Variants in PTCHD4 observed in about 807,000 individuals in gnomAD.
The protein encoded by PTCHD4 is patched domain containing 4.
Under a neutral mutation model 58.1 loss-of-function variants are expected in PTCHD4, and 33 were observed. The ratio of observed to expected loss-of-function variants is 0.57; its 90% CI spans 0.43 to 0.76. PTCHD4 has a LOEUF of 0.76. Among genes scored for constraint, PTCHD4 ranks in the 30% least tolerant of loss-of-function variants. PTCHD4 has a pLI of 0.00. For synonymous variants in PTCHD4, 478 were observed against 409.6 expected, an observed-to-expected ratio of 1.17 and a Z score of -2.02; for missense variants, 1,058 against 1,027.1, an observed-to-expected ratio of 1.03 and a Z score of -0.41.
intron 3 of PTCHD4, among the ~76,000 whole-genome samples, chr6:48,015,740 TC>T (rs1198179108): frequency 6.6e-6 from 1 of 152,046 alleles, no homozygotes; most frequent in Non-Finnish European, 1.5e-5. Flanking sequence ...ATTTAATTGC[TC>T]CTTTTTGTGT....
intron 4 of PTCHD4, among the ~76,000 whole-genome samples, chr6:47,946,222 T>C (rs1271100763): frequency 3.9e-5 from 6 of 152,122 alleles, no homozygotes; most frequent in Non-Finnish European, 4.4e-5. Flanking sequence ...AATTTGTTCA[T>C]TGTGTTGTTG....
In PTCHD4 at chr6:47,983,553, T is replaced by G. The variant is rs960251231; in HGVS notation, c.898+25081A>C. ...ATTTGAAGGGCAAATAACTAAGATT[T>G]CCAAGTTTAGTTTTTTATAGTGCAA... On this transcript the variant is annotated intron_variant, in intron 4 of 4. Transcript: ENST00000339488. Among the ~76,000 whole-genome samples the G allele has an allele frequency of 5.9e-5, 9 of 152,190 alleles. No individual in the cohort carries two copies. In the South Asian group the frequency reaches 6.2e-4, roughly 11 times the overall value.
chr6:47,878,869 C>G lies in PTCHD4; in HGVS notation c.1966G>C (p.Val656Leu), dbSNP rs1429716046. ...CCAAAGCCTGCAATCAGAACAGGCA[C>G]TGTGACAGACAAGCTGTAATGGTCC... ...FMDHYSLSVT[V>L]PVLIAGFGVL... is the part of the protein sequence containing the mutation. Residue 656 changes from valine (V) to leucine (L), a missense_variant, in exon 5 of 5, where the codon GTG becomes CTG. Transcript: ENST00000339488. 8.7e-6 allele frequency: 14 copies of G among 1,613,656 alleles called. No homozygotes were observed. The highest frequency in any genetic ancestry group is 1.2e-5 in the Non-Finnish European group (14 of 1,179,754).
chr6:47,899,571 T>G, intron 4 of PTCHD4: 1 of 983,724 alleles, frequency 1.0e-6, no homozygotes, highest in Non-Finnish European at 1.2e-6. Flanking sequence ...GGTTTGCAAA[T>G]GAAGTAGAAA....
At chr6:47,926,308 C>T (rs1765612920) in intron 4 of PTCHD4, among the ~76,000 whole-genome samples, 1 of 152,178 alleles carries the variant, frequency 6.6e-6, no homozygotes, top group African/African-American at 2.4e-5. Flanking sequence ...GATATGACTG[C>T]TTCTGAGAAA....
In PTCHD4 at chr6:48,068,569, C is replaced by G. The variant is rs775688846; in HGVS notation, c.78G>C (p.Ser26=). The G allele has an allele frequency of 1.3e-6, 2 of 1,583,602 alleles. No homozygotes were observed. The highest frequency in any genetic ancestry group is 2.3e-5 in the South Asian group (2 of 88,216). ...LRQVLRRGLQ[S]FCHRLGLCVS... is the part of the protein sequence containing the mutation. ...CGCACAAACCCAGCCTGTGGCAGAA[C>G]GACTGGAGCCCTCTGCGAAGCACCT... The change falls in exon 3 of 5, where the codon TCG becomes TCC. Residue 26 remains serine, a synonymous_variant. Coordinates refer to ENST00000339488, the MANE Select transcript of PTCHD4 (RefSeq NM_001384253.1). The surrounding 1 kb of genome is among the most constrained non-coding windows in gnomAD (Gnocchi z 4.2).
At chr6:48,110,716 T>C (rs1339047386) in intron 1 of PTCHD4, among the ~76,000 whole-genome samples, 4 of 149,922 alleles carry the variant, frequency 2.7e-5, no homozygotes, top group Non-Finnish European at 5.9e-5. Flanking sequence ...ATGGATTTAT[T>C]AGGTTGTTTG....
In PTCHD4 at chr6:47,878,286, C is replaced by A. The variant is rs1396287791; in HGVS notation, c.*17G>T. 1 of 1,542,318 alleles carries A rather than the reference C, an allele frequency of 6.5e-7. No individual in the cohort carries two copies. ...TGCAATACTGGAAAAGAAAAATAATCCACTGGTCTATACCCCTCATACTGT... is the reference window on the plus strand; with the variant it reads ...TGCAATACTGGAAAAGAAAAATAATACACTGGTCTATACCCCTCATACTGT... On this transcript the variant is annotated 3_prime_UTR_variant, in exon 5 of 5. Transcript: ENST00000339488.
intron 3 of PTCHD4, among the ~76,000 whole-genome samples, chr6:48,047,942 G>A (rs1764094963): frequency 6.8e-6 from 1 of 147,476 alleles, no homozygotes; most frequent in Non-Finnish European, 1.5e-5. Context: ...GCATACAAAT[G>A]TAATAGTACA....
intron 4 of PTCHD4, among the ~76,000 whole-genome samples, chr6:47,987,527 A>C (rs1048514421): frequency 2.7e-5 from 4 of 149,686 alleles, no homozygotes; most frequent in Non-Finnish European, 5.9e-5. Flanking sequence ...GCTTTAGTTA[A>C]AAAAAATGCT....
chr6:47,941,630 G>A (rs1452099739), intron 4 of PTCHD4, among the ~76,000 whole-genome samples: 1 of 152,166 alleles, frequency 6.6e-6, no homozygotes, highest in African/African-American at 2.4e-5. Context: ...GTTGAACTGA[G>A]TAGGGGTTAA....
At chr6:47,914,712 C>CTCTG (rs145537248) in intron 4 of PTCHD4, among the ~76,000 whole-genome samples, 8,368 of 77,778 alleles carry the variant, frequency 0.11, 313 homozygotes, top group African/African-American at 0.11. Flanking sequence ...CTGTCTGTCT[C>CTCTG]TCTGTCTGTC....
At chr6:47,967,898 C>T (rs2113981990) in intron 4 of PTCHD4, among the ~76,000 whole-genome samples, 1 of 152,250 alleles carries the variant, frequency 6.6e-6, no homozygotes, top group African/African-American at 2.4e-5. Context: ...TCCTTACAGA[C>T]CACTATAATG....
chr6:48,091,067 A>G (rs1307770335), intron 1 of PTCHD4, among the ~76,000 whole-genome samples: 10 of 152,154 alleles, frequency 6.6e-5, no homozygotes, highest in African/African-American at 2.4e-4. Flanking sequence ...GTTGATGGTC[A>G]CCAATAGCAA....
rs1469685143 is a variant in PTCHD4, at chr6:47,879,101, T to C, written c.1734A>G (p.Lys578=). ...FISVLQSSFL[K]KPEFQHFRND... ...TTCGAAAATGCTGGAATTCTGGCTT[T>C]TTTAAAAATGAGCTTTGCAGGACAC... The change falls in exon 5 of 5, where the codon AAA becomes AAG. Residue 578 remains lysine (K), a synonymous_variant. Transcript: ENST00000339488. 6.2e-7 allele frequency: 1 copy of C among 1,613,006 alleles called. No individual in the cohort carries two copies. The highest frequency in any genetic ancestry group is 8.5e-7 in the Non-Finnish European group (1 of 1,179,698).
chr6:48,023,096 G>T (rs1763122287), intron 3 of PTCHD4, among the ~76,000 whole-genome samples: 1 of 152,116 alleles, frequency 6.6e-6, no homozygotes. Context: ...GTTTGGACTA[G>T]CTTTAATAAG....
Position 47,871,739 on chromosome 6 carries a change from AT to A in PTCHD4, c.*6563del, listed in dbSNP as rs2114079600. On this transcript the variant is annotated 3_prime_UTR_variant, in exon 5 of 5. Transcript: ENST00000339488. ...TGCCATTTTGTCTTTAAATACCCTT[AT>A]GAGGTAGCTTGGAGAGATCTCTGCC... Among the ~76,000 whole-genome samples the A allele has an allele frequency of 6.6e-6, 1 of 151,782 alleles. No individual in the cohort carries two copies. Among genetic ancestry groups the A allele is most frequent in the Non-Finnish European group, 1.5e-5 (1 of 67,734 alleles).
At chr6:47,966,469 T>C (rs1236258780) in intron 4 of PTCHD4, among the ~76,000 whole-genome samples, 3 of 152,188 alleles carry the variant, frequency 2.0e-5, no homozygotes, top group African/African-American at 7.2e-5. Context: ...TTGGTGGTTG[T>C]GGAAGATTAG....
At chr6:47,928,774 C>G (rs545917210) in intron 4 of PTCHD4, among the ~76,000 whole-genome samples, 7 of 151,508 alleles carry the variant, frequency 4.6e-5, no homozygotes, top group Non-Finnish European at 7.4e-5. Flanking sequence ...AGAAACATGT[C>G]TTGATCATCT....
Sources: allele counts gnomAD v4.1 joint callset (sites outside exome capture counted in the v4.1 genomes callset), GRCh38; gene constraint gnomAD v4.1.1; non-coding constraint Gnocchi (gnomAD v3.1); transcripts MANE v1.5; gene names NCBI Gene and HGNC (gene_info 2026-07-23, HGNC 2026-07-21).